CAD: variants seen among roughly 807,000 people sequenced by gnomAD.
CAD encodes the protein carbamoyl-phosphate synthetase 2, aspartate transcarbamylase, and dihydroorotase, also known as multifunctional protein CAD.
A neutral mutation model predicts 237.2 loss-of-function variants in CAD; 81 were observed. The ratio of observed to expected loss-of-function variants is 0.34; its 90% CI spans 0.29 to 0.41. CAD has a LOEUF of 0.41. Among genes scored for constraint, CAD ranks in the 10% least tolerant of loss-of-function variants. CAD has a pLI of 1.00. For synonymous variants in CAD, 1,196 were observed against 1,162.8 expected (o/e 1.03, Z -0.58); for missense variants, 2,181 against 2,951.7 (o/e 0.74, Z 6.05).
Position 27,240,928 on chromosome 2 carries a change from A to G in CAD, c.5611A>G (p.Lys1871Glu). 6.2e-7 allele frequency: 1 copy of G among 1,613,988 alleles called. No homozygotes were observed. Among genetic ancestry groups the G allele is most frequent in the Non-Finnish European group, 8.5e-7 (1 of 1,179,976 alleles). The change falls in exon 36 of 44, where the codon AAG becomes GAG. Residue 1871 changes from lysine (K) to glutamate (E), a missense_variant. Physicochemically the swap from Lys to Glu is moderately conservative, Grantham distance 56. This residue lies in a region of CAD where 203 missense variants were observed against 284.5 expected (regional missense o/e 0.71). Coordinates refer to ENST00000264705, the MANE Select transcript of CAD (RefSeq NM_004341.5). This position sits in a 1 kb window ranked among gnomAD's most constrained non-coding sequence, Gnocchi z 4.6. ...PGLPAEEPKE[K>E]SSRKVAEPEL... Reference sequence around the variant, plus strand: ...GTTTGCAGCTGAGGAGCCAAAGGAGAAGTCCTCTCGGAAGGTAGCCGAGCC... The same window carrying G: ...GTTTGCAGCTGAGGAGCCAAAGGAGGAGTCCTCTCGGAAGGTAGCCGAGCC...
rs145400392 is a variant in CAD at position 27,243,467 on chromosome 2, C to T, written c.6627C>T (p.Asn2209=). 4.2e-5 allele frequency: 68 copies of T among 1,607,434 alleles called. No homozygotes were observed. The African/African-American group carries it at 4.4e-4, about 10-fold the overall frequency. The change falls in exon 44 of 44, where the codon AAC becomes AAT. Residue 2209 remains asparagine, a synonymous_variant. Transcript: ENST00000264705. The stretch of plus-strand genomic sequence containing the variant: ...CAGCCTACTTCCGCCAGGCTGAGAA[C>T]GGCATGTACATCCGCATGGCTCTGT... The part of the protein sequence containing the change: ...PRAAYFRQAE[N]GMYIRMALLA...
chr2:27,225,597 C>T (rs1271541637), intron 11 of CAD, 108 bp from the exon 12 acceptor site: 1 of 818,304 alleles, frequency 1.2e-6, no homozygotes, highest in Non-Finnish European at 2.0e-6. Flanking sequence ...CAGGCGTGAG[C>T]CACTATGCCC....
At chr2:27,222,380 AGTT>A in intron 4 of CAD, 44 bp downstream of exon 4, 2 of 1,591,236 alleles carry the variant, frequency 1.3e-6, no homozygotes, top group Non-Finnish European at 1.7e-6. Flanking sequence ...CTAGCACAGT[AGTT>A]ATATTCTGCC....
chr2:27,242,361 C>T lies in CAD; in HGVS notation c.6156C>T (p.His2052=). The part of the protein sequence containing the change: ...VINAGDGVGE[H]PTQALLDIFT... Reference sequence around the variant, plus strand: ...ATGCTGGGGATGGGGTCGGAGAGCACCCCACCCAGGCCCTGCTGGACATCT... The same window carrying T: ...ATGCTGGGGATGGGGTCGGAGAGCATCCCACCCAGGCCCTGCTGGACATCT... The change falls in exon 40 of 44, where the codon CAC becomes CAT. Residue 2052 remains histidine, a synonymous_variant. Transcript: ENST00000264705. This position sits in a 1 kb window ranked among gnomAD's most constrained non-coding sequence, Gnocchi z 6.4. 6.2e-7 allele frequency: 1 copy of T among 1,613,984 alleles called. No individual in the cohort carries two copies. The highest frequency in any genetic ancestry group is 8.5e-7 in the Non-Finnish European group (1 of 1,179,928).
intron 2 of CAD, among the ~76,000 whole-genome samples, chr2:27,220,177 G>T (rs1243423841): frequency 6.6e-6 from 1 of 152,140 alleles, no homozygotes; most frequent in Non-Finnish European, 1.5e-5. Flanking sequence ...GACACCATGT[G>T]CCTTGCTCTT....
Position 27,234,219 on chromosome 2 carries a change from T to C in CAD, c.3611T>C (p.Ile1204Thr). ...ACAGGACCCTTCAATCTGCAGCTCATTGCCAAGGTAATAAGGCTAAAGGAA... is the reference window on the plus strand; with the variant it reads ...ACAGGACCCTTCAATCTGCAGCTCACTGCCAAGGTAATAAGGCTAAAGGAA... ...QVTGPFNLQL[I>T]AKDDQLKVIE... The change falls in exon 22 of 44, where the codon ATT becomes ACT. Residue 1204 changes from isoleucine to threonine, a missense_variant. Around this residue, in one of 12 missense-constraint regions of CAD, gnomAD observed 306 missense variants for 607.9 expected, o/e 0.50. Coordinates refer to ENST00000264705, the MANE Select transcript of CAD (RefSeq NM_004341.5). 6.2e-7 allele frequency: 1 copy of C among 1,613,920 alleles called. No individual in the cohort carries two copies. The highest frequency in any genetic ancestry group is 8.5e-7 in the Non-Finnish European group (1 of 1,179,782).
At chr2:27,225,303 C>CTTTTT (rs1221617250) in intron 11 of CAD, 60 bp downstream of exon 11, 285 of 542,364 alleles carry the variant, frequency 5.3e-4, no homozygotes, top group Middle Eastern at 1.5e-3. Flanking sequence ...GTGTTATTTT[C>CTTTTT]TTTTTTTTTT....
intron 15 of CAD, among the ~76,000 whole-genome samples, chr2:27,228,859 G>A (rs1328248953): frequency 2.0e-5 from 3 of 151,270 alleles, no homozygotes; most frequent in Non-Finnish European, 2.9e-5. Flanking sequence ...CCAAAGTGCT[G>A]GGATTACAGG....
chr2:27,243,144 C>T (rs981732113), intron 42 of CAD, 54 bp from the exon 43 acceptor site: 2 of 1,561,172 alleles, frequency 1.3e-6, no homozygotes, highest in Admixed American at 3.3e-5. Context: ...GACTTGTGTC[C>T]TCTGTAGCCA....
In CAD at chr2:27,233,420, G is replaced by A; in HGVS notation, c.3100G>A (p.Val1034Met). The change falls in exon 20 of 44, where the codon GTG (valine) becomes ATG (methionine). Residue 1034 changes from valine (V) to methionine (M), a missense_variant. Physicochemically the swap from Val to Met is conservative, Grantham distance 21 (BLOSUM62 1). This residue lies in a region of CAD where 306 missense variants were observed against 607.9 expected (regional missense o/e 0.50). Transcript: ENST00000264705. This position sits in a 1 kb window ranked among gnomAD's most constrained non-coding sequence, Gnocchi z 6.3. ...GGCGTTGCATCGGCAGCAGTGCCGG[G>A]TGCTGGGCACCTCCCCTGAAGCCAT... ...AMALHRQQCR[V>M]LGTSPEAIDS... is the part of the protein sequence containing the mutation. The A allele has an allele frequency of 6.2e-7, 1 of 1,614,246 alleles. No individual in the cohort carries two copies. Among genetic ancestry groups the A allele is most frequent in the Non-Finnish European group, 8.5e-7 (1 of 1,180,042 alleles).
In CAD at chr2:27,236,051, G is replaced by A. The variant is rs750760987; in HGVS notation, c.4075-233G>A. Reference sequence around the variant, plus strand: ...CTTCCAGGATTTTCTCTGTGTACATGTGTGTGAGCTCATACTGCACCTAGT... The same window carrying A: ...CTTCCAGGATTTTCTCTGTGTACATATGTGTGAGCTCATACTGCACCTAGT... On this transcript the variant is annotated intron_variant, in intron 25 of 43. Coordinates refer to ENST00000264705, the MANE Select transcript of CAD (RefSeq NM_004341.5). The surrounding 1 kb of genome is among the most constrained non-coding windows in gnomAD (Gnocchi z 4.1). 2.0e-5 allele frequency among the ~76,000 whole-genome samples: 3 copies of A among 152,180 alleles called. No individual in the cohort carries two copies. The highest frequency in any genetic ancestry group is 4.4e-5 in the Non-Finnish European group (3 of 68,030).
At position 27,221,254 on chromosome 2, in the gene CAD, G is replaced by A; in HGVS notation, c.259G>A (p.Val87Ile). 2 of 1,584,330 alleles carry A rather than the reference G, an allele frequency of 1.3e-6. No homozygotes were observed. The highest frequency in any genetic ancestry group is 1.7e-6 in the Non-Finnish European group (2 of 1,164,076). ...ESSGIHVAAL[V>I]VGECCPTPSH... ...CTCGGGCATCCACGTAGCAGCACTGGTAGTGGGAGAGTGCTGTCCTACTCC... is the reference window on the plus strand; with the variant it reads ...CTCGGGCATCCACGTAGCAGCACTGATAGTGGGAGAGTGCTGTCCTACTCC... The change falls in exon 3 of 44, where the codon GTA (valine) becomes ATA (isoleucine). Residue 87 changes from valine to isoleucine, a missense_variant. Physicochemically the swap from Val to Ile is conservative, Grantham distance 29. Coordinates refer to ENST00000264705, the MANE Select transcript of CAD (RefSeq NM_004341.5).
In CAD at chr2:27,223,098, G is replaced by A. The variant is rs1284213561; in HGVS notation, c.809+61G>A. The stretch of plus-strand genomic sequence containing the variant: ...GTGGCATGAGGGGTGGGGTGTCTCA[G>A]GAATGAGAAGAGAGTTGGTGTTTAT... On this transcript the variant is annotated intron_variant, in intron 6 of 43. Coordinates refer to ENST00000264705, the MANE Select transcript of CAD (RefSeq NM_004341.5). 1.9e-6 allele frequency: 3 copies of A among 1,541,870 alleles called. No individual in the cohort carries two copies. The African/African-American group carries it at 4.1e-5, about 21-fold the overall frequency.
In CAD at chr2:27,243,197, G is replaced by GC; in HGVS notation, c.6481-1_6481insC (p.Cys2161LeufsTer48). On this transcript the variant is annotated frameshift_variant and splice_region_variant. Transcript: ENST00000264705. LOFTEE classifies it high-confidence loss of function. ...TAATGGGGACCCCATCTGCTTTGCAGTGCTTTGGTCAGTTCATCCTCACTC... is the reference window on the plus strand; with the variant it reads ...TAATGGGGACCCCATCTGCTTTGCAGCTGCTTTGGTCAGTTCATCCTCACTC... 6.2e-7 allele frequency: 1 copy of GC among 1,614,062 alleles called. No homozygotes were observed. The highest frequency in any genetic ancestry group is 8.5e-7 in the Non-Finnish European group (1 of 1,179,994).
Position 27,232,759 on chromosome 2 carries a change from A to G in CAD, c.2892+65A>G, listed in dbSNP as rs1675820638. 1.3e-6 allele frequency: 2 copies of G among 1,594,988 alleles called. No homozygotes were observed. Among genetic ancestry groups the G allele is most frequent in the Non-Finnish European group, 1.7e-6 (2 of 1,164,956 alleles). On this transcript the variant is annotated intron_variant, in intron 18 of 43. Transcript: ENST00000264705. This position sits in a 1 kb window ranked among gnomAD's most constrained non-coding sequence, Gnocchi z 4.1. ...TGTTCATCTCTAGCAATTGCTTGGC[A>G]CTAATCCTGGCATTTCCTATTAATT...
At position 27,235,147 on chromosome 2, in the gene CAD, C is replaced by G; in HGVS notation, c.3787-98C>G. 8.7e-7 allele frequency: 1 copy of G among 1,151,700 alleles called. No individual in the cohort carries two copies. Among genetic ancestry groups the G allele is most frequent in the Non-Finnish European group, 1.2e-6 (1 of 820,068 alleles). The allele number at this position is 1,151,700 out of a possible 1,614,324, so 71.3% of individuals were successfully genotyped here. ...GAGAGGGCAGGCTGACCCTGCCATTCAGATGGGATCAAGCACAGGGTACTG... is the reference window on the plus strand; with the variant it reads ...GAGAGGGCAGGCTGACCCTGCCATTGAGATGGGATCAAGCACAGGGTACTG... On this transcript the variant is annotated intron_variant, in intron 23 of 43. Coordinates refer to ENST00000264705, the MANE Select transcript of CAD (RefSeq NM_004341.5). The surrounding 1 kb of genome is among the most constrained non-coding windows in gnomAD (Gnocchi z 5.2).
chr2:27,230,447 T>G (rs1318528998), intron 15 of CAD, among the ~76,000 whole-genome samples: 3 of 151,584 alleles, frequency 2.0e-5, no homozygotes, highest in Non-Finnish European at 2.9e-5. Context: ...TGAGACCAGC[T>G]TGGCCAACAT....
chr2:27,224,213 T>G (rs1299631872), intron 8 of CAD, 132 bp from the exon 9 acceptor site: 3 of 1,047,654 alleles, frequency 2.9e-6, no homozygotes, highest in Non-Finnish European at 4.2e-6. Context: ...GGTCCTGGGT[T>G]CTGGTCCTCC....
chr2:27,241,290 G>C lies in CAD; in HGVS notation c.5809-32G>C. On this transcript the variant is annotated intron_variant, in intron 37 of 43. Transcript: ENST00000264705. This position sits in a 1 kb window ranked among gnomAD's most constrained non-coding sequence, Gnocchi z 4.6. ...TGAGGATTTGGAAAGCTGGGGCTAG[G>C]ACCTTTCTAGCTAACTTGGGCTCTT... 1.2e-6 allele frequency: 2 copies of C among 1,613,936 alleles called. No individual in the cohort carries two copies. The highest frequency in any genetic ancestry group is 1.7e-6 in the Non-Finnish European group (2 of 1,179,846).
Sources: gnomAD v4.1 joint callset for allele counts (sites outside exome capture counted in the v4.1 genomes callset) on GRCh38, gnomAD v4.1.1 for gene constraint, gnomAD v4.1.1 regional missense constraint, Gnocchi (gnomAD v3.1) non-coding constraint, MANE v1.5 for transcripts, NCBI Gene and HGNC (gene_info 2026-07-23, HGNC 2026-07-21) for gene names.